ARAP2: variants seen among roughly 807,000 people sequenced by gnomAD.
ARAP2 encodes ArfGAP with RhoGAP domain, ankyrin repeat and PH domain 2, also known as arf-GAP with Rho-GAP domain, ANK repeat and PH domain-containing protein 2.
Under a neutral mutation model 194.5 loss-of-function variants are expected in ARAP2, and 148 were observed. The observed-to-expected ratio is 0.76, with a 90% CI of 0.67 to 0.87. ARAP2 has a LOEUF of 0.87. Ranked by LOEUF, ARAP2 falls within the 40% of genes least tolerant of loss-of-function variation. The pLI is 0.00. For missense variants in ARAP2, 2,128 were observed against 1,989.7 expected, an observed-to-expected ratio of 1.07 and a Z score of -1.32; for synonymous variants, 695 against 683.5, an observed-to-expected ratio of 1.02 and a Z score of -0.26.
At chr4:36,149,808 G>A (rs1466139505) in intron 16 of ARAP2, among the ~76,000 whole-genome samples, 1 of 152,034 alleles carries the variant, frequency 6.6e-6, no homozygotes, top group African/African-American at 2.4e-5. Flanking sequence ...TATAAAACAA[G>A]TCATCTCAAC....
At chr4:36,014,453 G>A (rs1029006073) in intron 8 of ARAP2, among the ~76,000 whole-genome samples, 1 of 151,806 alleles carries the variant, frequency 6.6e-6, no homozygotes, top group Non-Finnish European at 1.5e-5. Context: ...ACAAAACAAG[G>A]AAAAGAAATT....
chr4:36,159,734 G>A, intron 13 of ARAP2: 1 of 332,478 alleles, frequency 3.0e-6, no homozygotes, highest in East Asian at 5.0e-5. Flanking sequence ...TTGTTTGGTT[G>A]CTATGATGTT....
chr4:36,101,126 G>A (rs1048409396), intron 27 of ARAP2, among the ~76,000 whole-genome samples: 6 of 152,092 alleles, frequency 3.9e-5, no homozygotes, highest in African/African-American at 4.8e-5. Flanking sequence ...AAGGATGTGC[G>A]TAGATTACAT....
In ARAP2 at chr4:36,121,306, ATTT is replaced by A; in HGVS notation, c.3764_3766del (p.Glu1255_Ile1256delinsVal). ...CAAATTATGGGCATTCATGTGATTG[ATTT>A]CTGAGCATTTCTGAACCCTGTCAGA... On this transcript the variant is annotated inframe_deletion, in exon 23 of 33. Transcript: ENST00000303965. 1 of 1,598,144 alleles carries A rather than the reference ATTT, an allele frequency of 6.3e-7. No homozygotes were observed. Among genetic ancestry groups the A allele is most frequent in the Non-Finnish European group, 8.5e-7 (1 of 1,171,250 alleles).
Position 36,135,586 on chromosome 4 carries a change from C to T in ARAP2, c.3264-2197G>A, listed in dbSNP as rs371905211. On this transcript the variant is annotated intron_variant, in intron 19 of 32. Coordinates refer to ENST00000303965, the MANE Select transcript of ARAP2 (RefSeq NM_015230.4). ...CTGAAATTTGCACTAATACACCTGA[C>T]ATGCTACAGCCTTTTCATTGATCTT... Among the ~76,000 whole-genome samples the T allele has an allele frequency of 8.6e-5, 13 of 151,904 alleles. No homozygotes were observed. The East Asian group carries it at 1.9e-3, about 23-fold the overall frequency.
At chr4:36,214,076 C>G (rs1747376268) in intron 3 of ARAP2, among the ~76,000 whole-genome samples, 1 of 152,140 alleles carries the variant, frequency 6.6e-6, no homozygotes, top group African/African-American at 2.4e-5. Flanking sequence ...TTCCAGTTAC[C>G]ATGGCAAAAT....
Position 36,229,370 on chromosome 4 carries a change from T to G in ARAP2, c.117A>C (p.Ala39=). Residue 39 remains alanine (A), a synonymous_variant, in exon 2 of 33, where the codon GCA becomes GCC. Transcript: ENST00000303965. ...ESGFTTVKDC[A]AINDSLLQKI... is the part of the protein sequence containing the mutation. ...TCTGCAGCAGGCTGTCATTTATTGC[T>G]GCACAGTCCTTCACAGTAGTAAAAC... The G allele has an allele frequency of 2.5e-6, 4 of 1,614,106 alleles. No individual in the cohort carries two copies. Among genetic ancestry groups the G allele is most frequent in the Non-Finnish European group, 2.5e-6 (3 of 1,179,978 alleles).
At chr4:36,209,323 G>T in intron 6 of ARAP2, 1 of 441,878 alleles carries the variant, frequency 2.3e-6, no homozygotes, top group Non-Finnish European at 4.5e-6. Flanking sequence ...AACAAGCAGA[G>T]GGTTTTGTCA....
intron 22 of ARAP2, among the ~76,000 whole-genome samples, chr4:36,122,159 A>C (rs1357805214): frequency 6.6e-6 from 1 of 151,854 alleles, no homozygotes; most frequent in Admixed American, 6.6e-5. Flanking sequence ...ATGCTTTTAC[A>C]CTGTTACTGG....
intron 1 of ARAP2, among the ~76,000 whole-genome samples, chr4:36,237,188 A>T (rs184410661): frequency 6.2e-4 from 94 of 152,370 alleles, no homozygotes; most frequent in Admixed American, 5.9e-3. Context: ...GCAGGACTAC[A>T]GTACAGCTGA....
At chr4:36,157,384 A>C (rs63669262) in intron 15 of ARAP2, 2 of 4,368 alleles carry the variant, frequency 4.6e-4, no homozygotes, top group African/African-American at 2.7e-3. Flanking sequence ...TGGAAGACAA[A>C]AAAAAAAAAA....
intron 6 of ARAP2, among the ~76,000 whole-genome samples, chr4:36,195,507 C>T (rs976620882): frequency 2.0e-5 from 3 of 152,224 alleles, no homozygotes; most frequent in Non-Finnish European, 2.9e-5. Flanking sequence ...ACAATCCAAA[C>T]AGTAATTCAG....
chr4:36,009,514 A>G lies in ARAP2; in HGVS notation n.1326-2468T>C, dbSNP rs575841164. On this transcript the variant is annotated intron_variant and non_coding_transcript_variant, in intron 9 of 12. Coordinates refer to the ARAP2 transcript ENST00000503225. ...GGGACAACAGACACTGGGCAATACAAGAGGGGGGATAAAGGGAGAGGGTAA... is the reference window on the plus strand; with the variant it reads ...GGGACAACAGACACTGGGCAATACAGGAGGGGGGATAAAGGGAGAGGGTAA... Among the ~76,000 whole-genome samples, 6 of 152,206 alleles carry G rather than the reference A, an allele frequency of 3.9e-5. No individual in the cohort carries two copies. The East Asian group carries it at 5.8e-4, about 15-fold the overall frequency.
chr4:36,227,511 C>T (rs1358633902), intron 2 of ARAP2, among the ~76,000 whole-genome samples: 1 of 152,156 alleles, frequency 6.6e-6, no homozygotes, highest in African/African-American at 2.4e-5. Flanking sequence ...CTCTCACAAA[C>T]ACTAAATTGC....
intron 25 of ARAP2, 115 bp downstream of exon 25, chr4:36,116,946 C>A: frequency 1.8e-6 from 1 of 550,550 alleles, no homozygotes. Context: ...TGTTGTCAGT[C>A]GTTTGAACTG....
At position 36,014,890 on chromosome 4, in the gene ARAP2, T is replaced by G. The variant is rs2221772; in HGVS notation, n.1056+496A>C. 9.7e-3 allele frequency among the ~76,000 whole-genome samples: 1,478 copies of G among 152,092 alleles called. 16 individuals carry two copies. The highest frequency in any genetic ancestry group is 0.034 in the African/African-American group (1,405 of 41,452). Reference sequence around the variant, plus strand: ...CCCTGTGTGAAAGATTTCTTTGAAATAAAAAGGTTTTCCTATTATAACATA... The same window carrying G: ...CCCTGTGTGAAAGATTTCTTTGAAAGAAAAAGGTTTTCCTATTATAACATA... On this transcript the variant is annotated intron_variant and non_coding_transcript_variant, in intron 8 of 12. Coordinates refer to the ARAP2 transcript ENST00000503225.
Position 36,164,965 on chromosome 4 carries a change from G to A in ARAP2, c.2122C>T (p.Pro708Ser). The A allele has an allele frequency of 6.2e-7, 1 of 1,614,098 alleles. No homozygotes were observed. Among genetic ancestry groups the A allele is most frequent in the African/African-American group, 1.3e-5 (1 of 75,052 alleles). The change falls in exon 11 of 33, where the codon CCT becomes TCT. Residue 708 changes from proline (P) to serine (S), a missense_variant. Transcript: ENST00000303965. Reference sequence around the variant, plus strand: ...CAGAGATTGATGGATGCCCAGTCAGGATCTGGGGCTTTACAATCTGCACAG... The same window carrying A: ...CAGAGATTGATGGATGCCCAGTCAGAATCTGGGGCTTTACAATCTGCACAG... ...RSCADCKAPD[P>S]DWASINLCVV...
intron 5 of ARAP2, among the ~76,000 whole-genome samples, chr4:36,027,246 A>G (rs1718072677): frequency 6.6e-6 from 1 of 151,920 alleles, no homozygotes; most frequent in South Asian, 2.1e-4. Flanking sequence ...CTATTTAAAG[A>G]TGAGTAAAAA....
At chr4:36,110,266 G>A (rs890095978) in intron 26 of ARAP2, among the ~76,000 whole-genome samples, 2 of 151,898 alleles carry the variant, frequency 1.3e-5, no homozygotes, top group Non-Finnish European at 1.5e-5. Flanking sequence ...GAAAAACAAC[G>A]TCTGCCCTGT....
Sources: gnomAD v4.1 joint callset for allele counts (sites outside exome capture counted in the v4.1 genomes callset) on GRCh38, gnomAD v4.1.1 for gene constraint, MANE v1.5 for transcripts, NCBI Gene and HGNC (gene_info 2026-07-23, HGNC 2026-07-21) for gene names.